The following STK24 variants were observed in gnomAD, a reference collection of about 807,000 sequenced individuals.
The protein encoded by STK24 is serine/threonine kinase 24, also known as serine/threonine-protein kinase 24.
A neutral mutation model predicts 55.6 loss-of-function variants in STK24; 21 were observed. That is an observed-to-expected ratio of 0.38 (90% CI 0.27 to 0.54). The LOEUF (loss-of-function observed/expected upper bound fraction) is 0.54. STK24 is among the 20% of genes least tolerant of loss of function. The probability of loss-of-function intolerance (pLI) is 0.79; values close to 1 mark genes in which losing one functional copy is unlikely to be tolerated. For synonymous variants in STK24, 200 were observed against 215.2 expected, an observed-to-expected ratio of 0.93 and a Z score of 0.62; for missense variants, 383 against 538.4, an observed-to-expected ratio of 0.71 and a Z score of 2.86.
intron 3 of STK24, among the ~76,000 whole-genome samples, chr13:98,480,113 C>T (rs1039714638): frequency 1.3e-5 from 2 of 152,204 alleles, no homozygotes; most frequent in South Asian, 2.1e-4. Flanking sequence ...CACCAGCACT[C>T]CTTAAGCAGA....
chr13:98,469,609 C>T (rs1336492586), intron 5 of STK24, among the ~76,000 whole-genome samples: 1 of 151,930 alleles, frequency 6.6e-6, no homozygotes, highest in African/African-American at 2.4e-5. Context: ...ACGAGGGTCA[C>T]CCAGCTCCTT....
chr13:98,453,776 CTG>C, intron 10 of STK24: 1 of 152,082 alleles, frequency 6.6e-6, no homozygotes, highest in Non-Finnish European at 1.5e-5. Flanking sequence ...ATTATACAAA[CTG>C]AAATAACAGA....
intron 2 of STK24, among the ~76,000 whole-genome samples, chr13:98,500,823 T>C (rs1318077685): frequency 1.3e-5 from 2 of 152,106 alleles, no homozygotes; most frequent in African/African-American, 2.4e-5. Flanking sequence ...TAAGTGATGT[T>C]AGTGGCAAAT....
At chr13:98,460,554 C>A in intron 8 of STK24, 114 bp from the exon 9 acceptor site, 1 of 803,128 alleles carries the variant, frequency 1.2e-6, no homozygotes, top group Non-Finnish European at 2.1e-6. Flanking sequence ...CTACACTTCA[C>A]GCTGAGGAAA....
chr13:98,489,049 C>G lies in STK24; in HGVS notation c.274-6728G>C, dbSNP rs1894918303. On this transcript the variant is annotated intron_variant, in intron 2 of 10. Coordinates refer to ENST00000539966, the MANE Select transcript of STK24 (RefSeq NM_001032296.4). ...TTTTTGTAAAAGGTACCTTTCCGCG[C>G]AGATGACGCATGTGGCCTCAAAGCC... 3.9e-5 allele frequency among the ~76,000 whole-genome samples: 6 copies of G among 152,330 alleles called. No homozygotes were observed. In the South Asian group the frequency reaches 1.2e-3, roughly 32 times the overall value.
intron 1 of STK24, among the ~76,000 whole-genome samples, chr13:98,555,555 G>T (rs1263559507): frequency 1.3e-5 from 2 of 151,450 alleles, no homozygotes; most frequent in Non-Finnish European, 2.9e-5. Context: ...CTCCAGCCTG[G>T]GCGACAGAGT....
intron 3 of STK24, among the ~76,000 whole-genome samples, chr13:98,480,879 T>C (rs1444235863): frequency 1.3e-5 from 2 of 152,230 alleles, no homozygotes; most frequent in Admixed American, 6.5e-5. Context: ...CGTGAACCAC[T>C]GTACCAGGCC....
At chr13:98,557,699 C>T (rs1897314970) in intron 1 of STK24, among the ~76,000 whole-genome samples, 1 of 152,228 alleles carries the variant, frequency 6.6e-6, no homozygotes, top group Non-Finnish European at 1.5e-5. Flanking sequence ...AAAGCCCAAA[C>T]CACTCAGCAT....
rs1254449108 is a variant in STK24, at chr13:98,461,861, A to C, written c.966T>G (p.Ser322=). ...TDGQASGGSD[S]GDWIFTIREK... ...CTCGGATTGTGAAGATCCAGTCCCCAGAATCACTGCCCCCCGAGGCTTGGC... is the reference window on the plus strand; with the variant it reads ...CTCGGATTGTGAAGATCCAGTCCCCCGAATCACTGCCCCCCGAGGCTTGGC... Residue 322 remains serine (S), a synonymous_variant, in exon 8 of 11, where the codon TCT becomes TCG. Transcript: ENST00000539966. 4.3e-6 allele frequency: 7 copies of C among 1,614,012 alleles called. No homozygotes were observed. The highest frequency in any genetic ancestry group is 5.9e-6 in the Non-Finnish European group (7 of 1,179,984).
intron 3 of STK24, among the ~76,000 whole-genome samples, chr13:98,478,060 C>T (rs774148766): frequency 6.6e-6 from 1 of 152,168 alleles, no homozygotes. Context: ...ATCCTTTCTG[C>T]GTCAAAATTC....
At chr13:98,570,877 C>G (rs1470860338) in intron 1 of STK24, among the ~76,000 whole-genome samples, 1 of 152,128 alleles carries the variant, frequency 6.6e-6, no homozygotes, top group African/African-American at 2.4e-5. Flanking sequence ...CAAACTACTC[C>G]GACGACAGTG....
At chr13:98,521,813 T>G in intron 1 of STK24, 1 of 782,738 alleles carries the variant, frequency 1.3e-6, no homozygotes, top group South Asian at 1.3e-5. Flanking sequence ...GCCCTCCTTT[T>G]ATTCAAGGCC....
At chr13:98,560,012 T>C (rs1286955254) in intron 1 of STK24, among the ~76,000 whole-genome samples, 1 of 152,118 alleles carries the variant, frequency 6.6e-6, no homozygotes, top group Non-Finnish European at 1.5e-5. Flanking sequence ...AGAAGTGTAG[T>C]AGTAAAGGTC....
At chr13:98,548,199 G>A (rs1897074155) in intron 1 of STK24, among the ~76,000 whole-genome samples, 1 of 152,022 alleles carries the variant, frequency 6.6e-6, no homozygotes, top group Admixed American at 6.6e-5. Context: ...TAGTTCCTGG[G>A]GCTAAAAATA....
chr13:98,518,245 T>A (rs1049704122), intron 2 of STK24, among the ~76,000 whole-genome samples: 3 of 152,224 alleles, frequency 2.0e-5, no homozygotes, highest in Non-Finnish European at 4.4e-5. Flanking sequence ...AAAATGTCCA[T>A]CCTCTGACTT....
chr13:98,526,293 T>C (rs989402108), intron 1 of STK24, among the ~76,000 whole-genome samples: 6 of 152,238 alleles, frequency 3.9e-5, no homozygotes, highest in African/African-American at 1.4e-4. Context: ...CTCAGGCATT[T>C]TCCCCCTGCA....
At chr13:98,576,050 T>C in intron 1 of STK24, 1 of 984,790 alleles carries the variant, frequency 1.0e-6, no homozygotes, top group East Asian at 1.1e-4. Flanking sequence ...AGTCTCAAAG[T>C]GAAAGTCCAG....
chr13:98,531,100 A>C (rs950602273), intron 1 of STK24, among the ~76,000 whole-genome samples: 2 of 152,230 alleles, frequency 1.3e-5, no homozygotes, highest in African/African-American at 4.8e-5. Context: ...CATCTAATTA[A>C]ACTGGCCATT....
At chr13:98,515,805 C>T (rs1260247911) in intron 2 of STK24, among the ~76,000 whole-genome samples, 5 of 152,192 alleles carry the variant, frequency 3.3e-5, no homozygotes, top group African/African-American at 1.2e-4. Flanking sequence ...TTCTGGTAAT[C>T]TCTTCTTTGT....
Sources: gnomAD v4.1 joint callset for allele counts (sites outside exome capture counted in the v4.1 genomes callset) on GRCh38, gnomAD v4.1.1 for gene constraint, MANE v1.5 for transcripts, NCBI Gene and HGNC (gene_info 2026-07-23, HGNC 2026-07-21) for gene names.